CDH12: variants seen among roughly 807,000 people sequenced by gnomAD.
CDH12 encodes cadherin 12, also known as cadherin-12.
A neutral mutation model predicts 74.1 loss-of-function variants in CDH12; 41 were observed. That is an observed-to-expected ratio of 0.55 (90% CI 0.43 to 0.72). The LOEUF (loss-of-function observed/expected upper bound fraction) is 0.72. Ranked by LOEUF, CDH12 falls within the 30% of genes least tolerant of loss-of-function variation. CDH12 has a pLI of 0.00. For synonymous variants in CDH12, 399 were observed against 355.0 expected (o/e 1.12, Z -1.39); for missense variants, 945 against 977.2 (o/e 0.97, Z 0.44).
intron 1 of CDH12, among the ~76,000 whole-genome samples, chr5:22,674,647 A>G (rs575748491): frequency 1.3e-5 from 2 of 152,308 alleles, no homozygotes; most frequent in African/African-American, 4.8e-5. Context: ...GAAAGTTTGG[A>G]ACTCCCTAGA....
chr5:22,519,575 C>T (rs898829359), intron 1 of CDH12, among the ~76,000 whole-genome samples: 1 of 151,956 alleles, frequency 6.6e-6, no homozygotes, highest in African/African-American at 2.4e-5. Context: ...AGGCGCCCGT[C>T]ACCACACCCG....
chr5:21,828,125 A>ATT (rs765920585), intron 8 of CDH12, among the ~76,000 whole-genome samples: 27 of 144,756 alleles, frequency 1.9e-4, no homozygotes, highest in African/African-American at 6.0e-4. Flanking sequence ...AAAACAATGA[A>ATT]TTTTTTTTTT....
intron 10 of CDH12, among the ~76,000 whole-genome samples, chr5:21,791,567 T>C (rs1318999830): frequency 6.6e-6 from 1 of 151,984 alleles, no homozygotes; most frequent in Admixed American, 6.6e-5. Context: ...GTTTGACTCA[T>C]CTCATACTTA....
intron 6 of CDH12, among the ~76,000 whole-genome samples, chr5:21,962,899 T>C (rs1756424024): frequency 6.6e-6 from 1 of 152,164 alleles, no homozygotes; most frequent in African/African-American, 2.4e-5. Context: ...CCACAGTATC[T>C]GCTTTCAGCA....
chr5:22,768,963 T>C (rs1746665174), intron 1 of CDH12, among the ~76,000 whole-genome samples: 1 of 152,150 alleles, frequency 6.6e-6, no homozygotes, highest in Non-Finnish European at 1.5e-5. Flanking sequence ...CGCTAAAGAA[T>C]TATATCCTCT....
intron 8 of CDH12, among the ~76,000 whole-genome samples, chr5:21,827,700 G>A (rs1263692426): frequency 6.6e-6 from 1 of 152,012 alleles, no homozygotes; most frequent in Non-Finnish European, 1.5e-5. Flanking sequence ...AATAGGCTAT[G>A]GTACAAAACC....
intron 3 of CDH12, among the ~76,000 whole-genome samples, chr5:22,324,047 T>C (rs1475138402): frequency 6.6e-6 from 1 of 152,190 alleles, no homozygotes; most frequent in East Asian, 1.9e-4. Flanking sequence ...GTTTTTTGTT[T>C]GTTAAGTTTT....
chr5:22,788,406 T>C lies in CDH12; in HGVS notation c.-523+64652A>G, dbSNP rs867948162. Among the ~76,000 whole-genome samples the C allele has an allele frequency of 4.6e-5, 7 of 151,592 alleles. No individual in the cohort carries two copies. The South Asian group carries it at 1.5e-3, about 31-fold the overall frequency. ...CTTGGATGAGGGTAAGGGTAAGGGG[T>C]AAGGAGAGAAAGACGAAGGAAAAGA... On this transcript the variant is annotated intron_variant, in intron 1 of 14. Transcript: ENST00000382254.
At chr5:22,708,926 T>A (rs1306590094) in intron 1 of CDH12, among the ~76,000 whole-genome samples, 2 of 152,150 alleles carry the variant, frequency 1.3e-5, no homozygotes, top group African/African-American at 4.8e-5. Flanking sequence ...CGCCACCCTG[T>A]GGTCACTGTT....
chr5:22,091,281 G>C (rs1253952021), intron 4 of CDH12, among the ~76,000 whole-genome samples: 1 of 149,592 alleles, frequency 6.7e-6, no homozygotes, highest in Non-Finnish European at 1.5e-5. Context: ...GTGTGTTTGT[G>C]TGTGTGTGTG....
chr5:22,264,948 G>T (rs1753655483), intron 3 of CDH12, among the ~76,000 whole-genome samples: 1 of 152,146 alleles, frequency 6.6e-6, no homozygotes, highest in Non-Finnish European at 1.5e-5. Context: ...ATAGACATTT[G>T]TCAAGGTCAT....
chr5:22,138,351 A>G (rs943666845), intron 4 of CDH12, among the ~76,000 whole-genome samples: 11 of 151,652 alleles, frequency 7.3e-5, no homozygotes, highest in African/African-American at 2.4e-4. Context: ...TATTTTTTAT[A>G]ATATAAAATT....
chr5:22,436,936 C>T (rs1231707624), intron 2 of CDH12, among the ~76,000 whole-genome samples: 1 of 151,912 alleles, frequency 6.6e-6, no homozygotes, highest in Non-Finnish European at 1.5e-5. Flanking sequence ...CAAATACAAA[C>T]ATGTATAAAT....
chr5:22,553,219 A>C (rs1329420790), intron 1 of CDH12, among the ~76,000 whole-genome samples: 3 of 152,196 alleles, frequency 2.0e-5, no homozygotes, highest in African/African-American at 7.2e-5. Flanking sequence ...CAAAATGATA[A>C]TTTAAACATT....
chr5:22,257,499 T>G (rs1753361363), intron 3 of CDH12, among the ~76,000 whole-genome samples: 1 of 151,324 alleles, frequency 6.6e-6, no homozygotes, highest in Non-Finnish European at 1.5e-5. Context: ...ATTTATTTAT[T>G]TATTTATTTA....
intron 1 of CDH12, among the ~76,000 whole-genome samples, chr5:22,624,145 A>G (rs555186854): frequency 6.6e-5 from 10 of 152,304 alleles, no homozygotes; most frequent in Admixed American, 6.5e-4. Flanking sequence ...CCTTCCTTAC[A>G]CCTTATACAA....
chr5:22,802,728 GACC>G (rs1002646853), intron 1 of CDH12, among the ~76,000 whole-genome samples: 1 of 152,070 alleles, frequency 6.6e-6, no homozygotes, highest in African/African-American at 2.4e-5. Context: ...GTGGCTACCA[GACC>G]AGGTAAGTAG....
rs571351560 is a variant in CDH12 at position 22,500,220 on chromosome 5, T to G, written c.-428+5050A>C. Among the ~76,000 whole-genome samples the G allele has an allele frequency of 3.9e-5, 6 of 152,292 alleles. No homozygotes were observed. The South Asian group carries it at 1.2e-3, about 32-fold the overall frequency. On this transcript the variant is annotated intron_variant, in intron 2 of 14. Coordinates refer to ENST00000382254, the MANE Select transcript of CDH12 (RefSeq NM_004061.5). Reference sequence around the variant, plus strand: ...ACTGTGTATGAATTACTCATTTGAATCCAAAGACCTTTGATTAGGATAATT... The same window carrying G: ...ACTGTGTATGAATTACTCATTTGAAGCCAAAGACCTTTGATTAGGATAATT...
chr5:22,058,541 T>C (rs188253388), intron 5 of CDH12, among the ~76,000 whole-genome samples: 106 of 152,132 alleles, frequency 7.0e-4, no homozygotes, highest in African/African-American at 2.4e-3. Flanking sequence ...TCTAGTGTAT[T>C]TTTGTATATA....
Sources: gnomAD v4.1 joint callset for allele counts (sites outside exome capture counted in the v4.1 genomes callset) on GRCh38, gnomAD v4.1.1 for gene constraint, MANE v1.5 for transcripts, NCBI Gene and HGNC (gene_info 2026-07-23, HGNC 2026-07-21) for gene names.